CHD2: variants seen among roughly 807,000 people sequenced by gnomAD.
CHD2 encodes the protein ATP-dependent chromatin remodeler CHD2.
CHD2 carries 28 observed loss-of-function variants against 243.9 expected under a neutral mutation model. The ratio of observed to expected loss-of-function variants is 0.11; its 90% CI spans 0.09 to 0.16. The LOEUF (loss-of-function observed/expected upper bound fraction) is 0.16, where lower values mean the gene tolerates loss of function less well. Ranked by LOEUF, CHD2 falls within the 10% of genes least tolerant of loss-of-function variation. The pLI, the probability that CHD2 is intolerant of heterozygous loss-of-function variation, is 1.00. For missense variants in CHD2, 1,386 were observed against 2,209.8 expected (o/e 0.63, Z 7.47); for synonymous variants, 775 against 779.0 (o/e 0.99, Z 0.09).
At chr15:92,935,590 C>G (rs929763581) in intron 5 of CHD2, among the ~76,000 whole-genome samples, 1 of 152,118 alleles carries the variant, frequency 6.6e-6, no homozygotes, top group Admixed American at 6.5e-5. Context: ...TTCAAGCATG[C>G]TTCTACTTCT....
At chr15:93,022,357 C>G (rs1450741769) in intron 38 of CHD2, among the ~76,000 whole-genome samples, 5 of 152,178 alleles carry the variant, frequency 3.3e-5, no homozygotes, top group African/African-American at 4.8e-5. Context: ...AGAGAACTCA[C>G]TCATTATCAC....
At chr15:92,937,725 T>C (rs1274368809) in intron 6 of CHD2, 100 bp downstream of exon 6, 3 of 831,778 alleles carry the variant, frequency 3.6e-6, no homozygotes, top group Non-Finnish European at 5.6e-6. Flanking sequence ...ATGAGATGCA[T>C]TGTGTTTTGA....
intron 10 of CHD2, 58 bp downstream of exon 10, chr15:92,944,573 CT>C (rs2053432266): frequency 1.2e-6 from 1 of 848,434 alleles, no homozygotes; most frequent in Non-Finnish European, 1.8e-6. Flanking sequence ...GTGGCTTTTG[CT>C]TTTGGAAGTA....
intron 28 of CHD2, among the ~76,000 whole-genome samples, chr15:92,994,254 T>C (rs912181278): frequency 9.9e-5 from 15 of 152,246 alleles, no homozygotes; most frequent in Non-Finnish European, 1.9e-4. Flanking sequence ...TAATAGTATC[T>C]ACTTCAAAGG....
intron 13 of CHD2, 179 bp downstream of exon 13, chr15:92,949,255 G>A (rs563749733): frequency 9.5e-4 from 1,345 of 1,413,592 alleles, no homozygotes; most frequent in Non-Finnish European, 1.1e-3. Flanking sequence ...GAGTTTTTAT[G>A]TATGTGTAAT....
chr15:93,018,767 A>G lies in CHD2; in HGVS notation c.4907-1245A>G, dbSNP rs146111336. On this transcript the variant is annotated intron_variant, in intron 37 of 38. Coordinates refer to ENST00000394196, the MANE Select transcript of CHD2 (RefSeq NM_001271.4). ...CCGATTTCTGCCTCCATCTTTGCAT[A>G]GCCTTCTCCTATGCATAGCCTGTCA... 8.4e-3 allele frequency among the ~76,000 whole-genome samples: 1,279 copies of G among 152,268 alleles called. 58 individuals are homozygous for G. Among genetic ancestry groups the G allele is most frequent in the Admixed American group, 0.072 (1,094 of 15,294 alleles).
chr15:92,929,777 G>A (rs1341545429), intron 5 of CHD2, among the ~76,000 whole-genome samples: 3 of 152,092 alleles, frequency 2.0e-5, no homozygotes, highest in Non-Finnish European at 2.9e-5. Flanking sequence ...TTGTATACCA[G>A]TTCAGGGGTT....
rs751745833 is a variant in CHD2 at position 93,002,332 on chromosome 15, C to G, written c.4278+15C>G. On this transcript the variant is annotated intron_variant, in intron 33 of 38. Coordinates refer to ENST00000394196, the MANE Select transcript of CHD2 (RefSeq NM_001271.4). ...AGAAAGAGAAGGTAATGATGCCCTT[C>G]TGTTCATGCAGATATCCACAGCCTT... 6.3e-7 allele frequency: 1 copy of G among 1,588,446 alleles called. No homozygotes were observed. Among genetic ancestry groups the G allele is most frequent in the African/African-American group, 1.4e-5 (1 of 72,716 alleles).
intron 2 of CHD2, among the ~76,000 whole-genome samples, chr15:92,912,820 G>A (rs1034667900): frequency 1.3e-5 from 2 of 152,246 alleles, no homozygotes; most frequent in Non-Finnish European, 2.9e-5. Context: ...AAAGTGCTGG[G>A]ATTACAGGCG....
chr15:92,915,882 G>A (rs4778059), intron 2 of CHD2, among the ~76,000 whole-genome samples: 112,592 of 151,978 alleles, frequency 0.74, 42,924 homozygotes, highest in East Asian at 0.98. Flanking sequence ...TTTGCCCACA[G>A]GGAAATTCCT....
intron 2 of CHD2, among the ~76,000 whole-genome samples, chr15:92,910,910 T>G (rs557506942): frequency 6.6e-6 from 1 of 152,174 alleles, no homozygotes; most frequent in South Asian, 2.1e-4. Context: ...TGCACACTTA[T>G]GCTGTAGCCT....
In CHD2 at chr15:92,948,993, A is replaced by G. The variant is rs1477830407; in HGVS notation, c.1419A>G (p.Gln473=). 2 of 1,614,092 alleles carry G rather than the reference A, an allele frequency of 1.2e-6. No homozygotes were observed. Among genetic ancestry groups the G allele is most frequent in the South Asian group, 1.1e-5 (1 of 91,048 alleles). The part of the protein sequence containing the change: ...QRPRFVALKK[Q]PAYLGGENLE... The stretch of plus-strand genomic sequence containing the variant: ...CACGATTTGTAGCTTTAAAGAAACA[A>G]CCTGCATATTTAGGAGGGGAGAATC... Residue 473 remains glutamine, a synonymous_variant, in exon 13 of 39, where the codon CAA becomes CAG. Coordinates refer to ENST00000394196, the MANE Select transcript of CHD2 (RefSeq NM_001271.4).
chr15:92,966,159 G>T (rs2053760535), intron 16 of CHD2, among the ~76,000 whole-genome samples: 1 of 151,128 alleles, frequency 6.6e-6, no homozygotes, highest in Non-Finnish European at 1.5e-5. Context: ...CATCTCCTGG[G>T]TTCCAGTGAT....
intron 26 of CHD2, among the ~76,000 whole-genome samples, chr15:92,988,496 T>C (rs894861371): frequency 6.6e-6 from 1 of 152,224 alleles, no homozygotes; most frequent in Non-Finnish European, 1.5e-5. Context: ...TATTTCTTCA[T>C]GTGATTTGAG....
At chr15:92,966,497 A>C (rs894181399) in intron 16 of CHD2, among the ~76,000 whole-genome samples, 1 of 152,226 alleles carries the variant, frequency 6.6e-6, no homozygotes, top group Non-Finnish European at 1.5e-5. Flanking sequence ...ATCAGGCTGT[A>C]GGCTTTAATG....
At chr15:92,913,076 T>C (rs1344801933) in intron 2 of CHD2, among the ~76,000 whole-genome samples, 1 of 152,244 alleles carries the variant, frequency 6.6e-6, no homozygotes, top group African/African-American at 2.4e-5. Context: ...CCTGGGGTGC[T>C]TGTTCAACAT....
intron 6 of CHD2, 138 bp downstream of exon 6, chr15:92,937,763 C>A: frequency 1.6e-6 from 1 of 617,056 alleles, no homozygotes; most frequent in Non-Finnish European, 2.7e-6. Context: ...CTGTGGTTCA[C>A]TTTCAGCCAG....
chr15:92,904,767 TC>T, intron 2 of CHD2: 1 of 1,403,342 alleles, frequency 7.1e-7, no homozygotes, highest in Middle Eastern at 1.9e-4. Flanking sequence ...TACCTTAGCG[TC>T]CCTTCTCCCC....
At chr15:93,011,334 G>A (rs1189319920) in intron 35 of CHD2, among the ~76,000 whole-genome samples, 1 of 152,220 alleles carries the variant, frequency 6.6e-6, no homozygotes, top group Admixed American at 6.5e-5. Context: ...CAGGAAGGAA[G>A]GTCTTCTGAG....
Sources: gnomAD v4.1 joint callset for allele counts (sites outside exome capture counted in the v4.1 genomes callset) on GRCh38, gnomAD v4.1.1 for gene constraint, MANE v1.5 for transcripts, NCBI Gene and HGNC (gene_info 2026-07-23, HGNC 2026-07-21) for gene names.